Variants in PPL observed in about 807,000 individuals in gnomAD.
PPL encodes the protein periplakin, also known as 190 kDa paraneoplastic pemphigus antigen.
A neutral mutation model predicts 194.4 loss-of-function variants in PPL; 198 were observed. That is an observed-to-expected ratio of 1.02 (90% confidence interval 0.91 to 1.15). PPL has a LOEUF of 1.15. Among genes scored for constraint, PPL ranks in the 50% most tolerant of loss-of-function variants. The pLI is 0.00. For missense variants in PPL, 2,885 were observed against 2,294.8 expected, an observed-to-expected ratio of 1.26 and a Z score of -5.25; for synonymous variants, 1,220 against 972.4, an observed-to-expected ratio of 1.25 and a Z score of -4.74.
rs1464151691 is a variant in PPL, at chr16:4,882,689, GAA to G, written c.*693_*694del. The G allele has an allele frequency of 6.6e-6, 1 of 152,298 alleles. No homozygotes were observed. Among genetic ancestry groups the G allele is most frequent in the African/African-American group, 2.4e-5 (1 of 41,454 alleles). The allele number at this position is 152,298 out of a possible 1,614,324, so 9.4% of individuals were successfully genotyped here. On this transcript the variant is annotated 3_prime_UTR_variant, in exon 22 of 22. Coordinates refer to ENST00000345988, the MANE Select transcript of PPL (RefSeq NM_002705.5). ...TAATAAGCGAGACTTGTAAAGCACT[GAA>G]ACTAAGGCTAACAGCAGCACAATCC...
chr16:4,925,590 T>G (rs750237038), intron 1 of PPL, among the ~76,000 whole-genome samples: 1 of 152,204 alleles, frequency 6.6e-6, no homozygotes, highest in African/African-American at 2.4e-5. Context: ...TTCCACACCT[T>G]GCGTAGGGCT....
chr16:4,913,832 C>T (rs576761526), intron 1 of PPL, among the ~76,000 whole-genome samples: 9 of 152,356 alleles, frequency 5.9e-5, no homozygotes, highest in East Asian at 1.9e-4. Context: ...TGGCTAGGCA[C>T]GCAGAAGTTG....
chr16:4,901,166 G>A (rs1194160454), intron 4 of PPL, 77 bp from the exon 5 acceptor site: 6 of 1,511,900 alleles, frequency 4.0e-6, no homozygotes, highest in East Asian at 2.3e-5. Flanking sequence ...CAGGAGCCTC[G>A]GGGGTGGGCA....
At position 4,902,359 on chromosome 16, in the gene PPL, C is replaced by G; in HGVS notation, c.438+47G>C. The stretch of plus-strand genomic sequence containing the variant: ...GGCTCTCCCTGCACACGCACAGCCC[C>G]CTCCCCAGCTGAAACCCTGGAGCCA... On this transcript the variant is annotated intron_variant, in intron 4 of 21. Coordinates refer to ENST00000345988, the MANE Select transcript of PPL (RefSeq NM_002705.5). The surrounding 1 kb of genome is among the most constrained non-coding windows in gnomAD (Gnocchi z 4.0). The G allele has an allele frequency of 6.2e-7, 1 of 1,609,450 alleles. No individual in the cohort carries two copies. The highest frequency in any genetic ancestry group is 1.3e-5 in the African/African-American group (1 of 75,006).
Position 4,887,077 on chromosome 16 carries a change from CTG to C in PPL, c.2607+56_2607+57del. 5.3e-6 allele frequency: 7 copies of C among 1,331,972 alleles called. No homozygotes were observed. The South Asian group carries it at 7.1e-5, about 13-fold the overall frequency. The allele number at this position is 1,331,972 out of a possible 1,614,324, so 82.5% of individuals were successfully genotyped here. A position where few individuals can be genotyped will look rare whatever the true frequency, so the allele number is the denominator to read the frequency against. ...ACAAACCATTTCTCTAAGACAGAGTCTGTATTTGTCACCTGTTAGAACAGCCT... is the reference window on the plus strand; with the variant it reads ...ACAAACCATTTCTCTAAGACAGAGTCTATTTGTCACCTGTTAGAACAGCCT... On this transcript the variant is annotated intron_variant, in intron 21 of 21. Transcript: ENST00000345988.
intron 1 of PPL, among the ~76,000 whole-genome samples, chr16:4,925,448 A>C (rs1031334876): frequency 6.6e-6 from 1 of 152,168 alleles, no homozygotes; most frequent in African/African-American, 2.4e-5. Context: ...TGCATCACCC[A>C]TTGACGTCTC....
intron 1 of PPL, among the ~76,000 whole-genome samples, chr16:4,921,877 C>T (rs1467311780): frequency 2.5e-5 from 2 of 80,440 alleles, no homozygotes; most frequent in Non-Finnish European, 8.4e-5. Context: ...CTGTCCTGGC[C>T]GCCAGGACAG....
chr16:4,928,555 C>T (rs1297881534), intron 1 of PPL, among the ~76,000 whole-genome samples: 1 of 152,216 alleles, frequency 6.6e-6, no homozygotes, highest in Non-Finnish European at 1.5e-5. Flanking sequence ...TTTTGCTGCC[C>T]CCACTGCCTG....
At chr16:4,908,176 A>G (rs1330188776) in intron 2 of PPL, among the ~76,000 whole-genome samples, 2 of 150,988 alleles carry the variant, frequency 1.3e-5, no homozygotes, top group Non-Finnish European at 3.0e-5. Context: ...AAAAAAAAAA[A>G]AAAAAGAAAG....
At chr16:4,898,064 A>G (rs1343584522) in intron 8 of PPL, among the ~76,000 whole-genome samples, 1 of 152,162 alleles carries the variant, frequency 6.6e-6, no homozygotes, top group Non-Finnish European at 1.5e-5. Context: ...ACTGTCATGG[A>G]CCGAACAGTG....
At chr16:4,898,101 G>C (rs1478540297) in intron 8 of PPL, among the ~76,000 whole-genome samples, 1 of 152,234 alleles carries the variant, frequency 6.6e-6, no homozygotes, top group Non-Finnish European at 1.5e-5. Flanking sequence ...ACCCTGGCCA[G>C]GCATGGTGGC....
At position 4,887,140 on chromosome 16, in the gene PPL, T is replaced by G. The variant is rs2088231368; in HGVS notation, c.2602A>C (p.Arg868=). Residue 868 remains arginine (R), a synonymous_variant, in exon 21 of 22, where the codon AGA becomes CGA. Coordinates refer to ENST00000345988, the MANE Select transcript of PPL (RefSeq NM_002705.5). ...TTCTTACTAAGATCAGTTACCTGTCTGAGGAGATTCAGAGCAAACTCCAGA... is the reference window on the plus strand; with the variant it reads ...TTCTTACTAAGATCAGTTACCTGTCGGAGGAGATTCAGAGCAAACTCCAGA... ...QNLEFALNLL[R]QQPEVEVTHE... is the part of the protein sequence containing the mutation. The G allele has an allele frequency of 6.2e-7, 1 of 1,611,630 alleles. No individual in the cohort carries two copies.
At chr16:4,887,279 A>G in intron 20 of PPL, 52 bp from the exon 21 acceptor site, 1 of 1,352,820 alleles carries the variant, frequency 7.4e-7, no homozygotes, top group Non-Finnish European at 1.1e-6. Context: ...TCAACAGGGT[A>G]AGCAACAGAG....
intron 12 of PPL, chr16:4,893,931 T>C (rs77918302): frequency 0.012 from 5,527 of 455,664 alleles, 254 homozygotes; most frequent in African/African-American, 0.098. Context: ...GCTCAATAAA[T>C]ACTTAATAAA....
In PPL at chr16:4,887,235, G is replaced by A; in HGVS notation, c.2515-8C>T. The A allele has an allele frequency of 1.2e-6, 2 of 1,609,142 alleles. No homozygotes were observed. The highest frequency in any genetic ancestry group is 1.7e-6 in the Non-Finnish European group (2 of 1,175,536). ...GGCGGCAAGTGCTGCTTCCTGCAGA[G>A]AAGAGGATTAGGAGAGCGGTCAACA... is the stretch of plus-strand genomic sequence containing the variant. On this transcript the variant is annotated splice_polypyrimidine_tract_variant and splice_region_variant and intron_variant, in intron 20 of 21. Coordinates refer to ENST00000345988, the MANE Select transcript of PPL (RefSeq NM_002705.5).
rs771171451 is a variant in PPL, at chr16:4,884,065, C to G, written c.4590G>C (p.Lys1530Asn). The change falls in exon 22 of 22, where the codon AAG (lysine) becomes AAC (asparagine). Residue 1530 changes from lysine to asparagine, a missense_variant. Physicochemically the swap from Lys to Asn is moderately conservative, Grantham distance 94 (BLOSUM62 0). Coordinates refer to ENST00000345988, the MANE Select transcript of PPL (RefSeq NM_002705.5). The surrounding 1 kb of genome is among the most constrained non-coding windows in gnomAD (Gnocchi z 5.7). The part of the protein sequence containing the change: ...KSSLEEESRS[K>N]RELDVEVSRL... ...GGCTCACCTCGACGTCCAGCTCGCG[C>G]TTGCTGCGGCTCTCCTCCTCCAGGC... 2.5e-6 allele frequency: 4 copies of G among 1,613,264 alleles called. No individual in the cohort carries two copies. Among genetic ancestry groups the G allele is most frequent in the Non-Finnish European group, 3.4e-6 (4 of 1,179,990 alleles).
Position 4,885,609 on chromosome 16 carries a change from C to A in PPL, c.3046G>T (p.Glu1016Ter). 1.9e-6 allele frequency: 3 copies of A among 1,612,598 alleles called. No homozygotes were observed. Among genetic ancestry groups the A allele is most frequent in the Non-Finnish European group, 2.5e-6 (3 of 1,179,748 alleles). Residue 1016 changes from glutamate (E) to a stop codon, truncating the protein, a stop_gained, in exon 22 of 22, where the codon GAG becomes TAG. Transcript: ENST00000345988. LOFTEE classifies it high-confidence loss of function. This position sits in a 1 kb window ranked among gnomAD's most constrained non-coding sequence, Gnocchi z 6.3. Reference protein sequence around the residue: ...QADEVLQLREELEALRRQKGA... With the variant: ...QADEVLQLRE ...TTCTGCCGCCTCAGTGCCTCCAGCT[C>A]CTCCCGCAGCTGCAAGACCTCATCC...
At position 4,890,217 on chromosome 16, in the gene PPL, G is replaced by C; in HGVS notation, c.2280C>G (p.Leu760=). The change falls in exon 18 of 22, where the codon CTC becomes CTG. Residue 760 remains leucine (L), a synonymous_variant. Transcript: ENST00000345988. ...TCTTCAGCTTGGTCTCCATCTGGCT[G>C]AGGCTGTCTGTCTCCTGGGGCTCGT... The part of the protein sequence containing the change: ...PSYEPQETDS[L]SQMETKLKNQ... 6.2e-7 allele frequency: 1 copy of C among 1,614,186 alleles called. No individual in the cohort carries two copies. Among genetic ancestry groups the C allele is most frequent in the Non-Finnish European group, 8.5e-7 (1 of 1,180,050 alleles).
rs2088331639 is a variant in PPL, at chr16:4,892,107, A to G, written c.1757T>C (p.Leu586Pro). The change falls in exon 15 of 22, where the codon CTG (leucine) becomes CCG (proline). Residue 586 changes from leucine (L) to proline (P), a missense_variant. By Grantham distance (98) the Leu-to-Pro change is moderately conservative (BLOSUM62 -3). Transcript: ENST00000345988. ...ALPGSGTTPL[L>P]RTRVEDTNRK... is the part of the protein sequence containing the mutation. ...GTTGGTGTCCTCCACCCGGGTCCTC[A>G]GCAGGGGTGTGGTGCCACTGCCTGG... 1.2e-6 allele frequency: 2 copies of G among 1,613,662 alleles called. No individual in the cohort carries two copies. Among genetic ancestry groups the G allele is most frequent in the African/African-American group, 2.7e-5 (2 of 74,934 alleles).
Sources: allele counts gnomAD v4.1 joint callset (sites outside exome capture counted in the v4.1 genomes callset), GRCh38; gene constraint gnomAD v4.1.1; non-coding constraint Gnocchi (gnomAD v3.1); transcripts MANE v1.5; gene names NCBI Gene and HGNC (gene_info 2026-07-23, HGNC 2026-07-21).